The following PINX1 variants were observed in gnomAD, a reference collection of about 807,000 sequenced individuals.
PINX1 encodes PIN2 (TERF1) interacting telomerase inhibitor 1.
A neutral mutation model predicts 25.4 loss-of-function variants in PINX1; 34 were observed. The ratio of observed to expected loss-of-function variants is 1.34; its 90% CI spans 1.02 to 1.78. The LOEUF (loss-of-function observed/expected upper bound fraction) is 1.78, where lower values mean the gene tolerates loss of function less well. PINX1 is among the 40% of genes most tolerant of loss of function. The probability of loss-of-function intolerance (pLI) is 0.00; values close to 1 mark genes in which losing one functional copy is unlikely to be tolerated. For missense variants in PINX1, 592 were observed against 404.9 expected, an observed-to-expected ratio of 1.46 and a Z score of -3.97; for synonymous variants, 197 against 147.7, an observed-to-expected ratio of 1.33 and a Z score of -2.42.
intron 1 of PINX1, among the ~76,000 whole-genome samples, chr8:10,837,449 C>G (rs1182084820): frequency 6.6e-6 from 1 of 152,194 alleles, no homozygotes; most frequent in Non-Finnish European, 1.5e-5. Flanking sequence ...TAAATCTTAG[C>G]AGTGAGTGCG....
At position 10,765,064 on chromosome 8, in the gene PINX1, A is replaced by G; in HGVS notation, c.*337T>C. 1 of 242,424 alleles carries G rather than the reference A, an allele frequency of 4.1e-6. No homozygotes were observed. Among genetic ancestry groups the G allele is most frequent in the Non-Finnish European group, 7.9e-6 (1 of 127,062 alleles). 15.0% of individuals were successfully genotyped at this position (242,424 alleles called of 1,614,324 possible). On this transcript the variant is annotated 3_prime_UTR_variant, in exon 7 of 7. Transcript: ENST00000314787. ...CAAACGGAGATAGTGACACACACAC[A>G]CACACACAGATGCGCACATGCACAC...
At chr8:10,771,297 G>A (rs1024540742) in intron 6 of PINX1, 2 of 152,228 alleles carry the variant, frequency 1.3e-5, no homozygotes, top group East Asian at 1.9e-4. Context: ...GGGGCAGGAT[G>A]AACTGACCCA....
intron 6 of PINX1, among the ~76,000 whole-genome samples, chr8:10,804,183 C>G (rs190898179): frequency 6.6e-6 from 1 of 152,244 alleles, no homozygotes; most frequent in Admixed American, 6.5e-5. Context: ...CAACGCAGAG[C>G]GCAGTGAGAG....
Position 10,765,733 on chromosome 8 carries a change from C to G in PINX1, c.655G>C (p.Ala219Pro). ...RKRGKKRNKEATGKDVESYLQ... is the reference protein window; with the variant it reads ...RKRGKKRNKEPTGKDVESYLQ... ...TAACTTTCCACATCTTTACCTGTGG[C>G]CTCTTTATTTCTTTTCTTCCCCCTT... The change falls in exon 7 of 7, where the codon GCC (alanine) becomes CCC (proline). Residue 219 changes from alanine to proline, a missense_variant. Physicochemically the swap from Ala to Pro is conservative, Grantham distance 27. Coordinates refer to ENST00000314787, the MANE Select transcript of PINX1 (RefSeq NM_017884.6). 6.2e-7 allele frequency: 1 copy of G among 1,613,990 alleles called. No homozygotes were observed. The highest frequency in any genetic ancestry group is 8.5e-7 in the Non-Finnish European group (1 of 1,179,868).
chr8:10,799,785 C>A (rs891527432), intron 6 of PINX1, among the ~76,000 whole-genome samples: 1 of 152,180 alleles, frequency 6.6e-6, no homozygotes, highest in Non-Finnish European at 1.5e-5. Flanking sequence ...GGACAATGTC[C>A]AAGGACTACA....
intron 6 of PINX1, among the ~76,000 whole-genome samples, chr8:10,783,848 G>C (rs1382810917): frequency 6.6e-6 from 1 of 152,206 alleles, no homozygotes; most frequent in East Asian, 1.9e-4. Context: ...CTATAGCCTT[G>C]TGTAAAGACA....
In PINX1 at chr8:10,826,171, G is replaced by A; in HGVS notation, c.375C>T (p.His125=). 1 of 1,573,538 alleles carries A rather than the reference G, an allele frequency of 6.4e-7. No homozygotes were observed. Among genetic ancestry groups the A allele is most frequent in the Non-Finnish European group, 8.7e-7 (1 of 1,146,774 alleles). Residue 125 remains histidine, a synonymous_variant, in exon 5 of 7, where the codon CAC becomes CAT. Coordinates refer to ENST00000314787, the MANE Select transcript of PINX1 (RefSeq NM_017884.6). ...TCTTACCTTTTGTGAATTTCATATA[G>A]TGAACACGGTTTTTGGAGATTTTGG... ...EKSKISKNRV[H]YMKFTKGKDL... is the part of the protein sequence containing the mutation.
chr8:10,795,758 T>C (rs1802065432), intron 6 of PINX1, among the ~76,000 whole-genome samples: 1 of 152,178 alleles, frequency 6.6e-6, no homozygotes. Flanking sequence ...CCTAAATAGG[T>C]AAAGTCAAAA....
intron 1 of PINX1, among the ~76,000 whole-genome samples, chr8:10,836,542 C>G (rs542101167): frequency 2.0e-5 from 3 of 152,342 alleles, no homozygotes; most frequent in African/African-American, 7.2e-5. Context: ...AAGAACTGCA[C>G]ACGCTTCACA....
At chr8:10,807,658 A>C (rs1004070921) in intron 6 of PINX1, among the ~76,000 whole-genome samples, 2 of 152,208 alleles carry the variant, frequency 1.3e-5, no homozygotes, top group Non-Finnish European at 2.9e-5. Flanking sequence ...AACAATGGCT[A>C]TCAGAAGACA....
intron 6 of PINX1, among the ~76,000 whole-genome samples, chr8:10,810,550 T>C (rs990573661): frequency 6.6e-6 from 1 of 152,162 alleles, no homozygotes; most frequent in Non-Finnish European, 1.5e-5. Flanking sequence ...AAGAACCTTA[T>C]TGAGAACCCA....
At chr8:10,813,985 T>C (rs1392339493) in intron 6 of PINX1, among the ~76,000 whole-genome samples, 4 of 151,802 alleles carry the variant, frequency 2.6e-5, no homozygotes, top group Non-Finnish European at 4.4e-5. Context: ...GTCTCCAACT[T>C]CAAATTGCAA....
intron 4 of PINX1, among the ~76,000 whole-genome samples, chr8:10,829,949 G>C (rs1033648513): frequency 2.0e-5 from 3 of 152,168 alleles, no homozygotes; most frequent in Non-Finnish European, 2.9e-5. Context: ...CTCCCAAAGT[G>C]CTGGTATTAC....
At chr8:10,811,282 T>C (rs1182021125) in intron 6 of PINX1, among the ~76,000 whole-genome samples, 3 of 152,234 alleles carry the variant, frequency 2.0e-5, no homozygotes, top group Non-Finnish European at 4.4e-5. Flanking sequence ...CTCAAGTGCC[T>C]ATTCACAACA....
chr8:10,809,327 A>G (rs971132830), intron 6 of PINX1, among the ~76,000 whole-genome samples: 26 of 152,254 alleles, frequency 1.7e-4, no homozygotes, highest in African/African-American at 6.3e-4. Flanking sequence ...TCTTCAAGCG[A>G]AAGAGTAGCC....
At chr8:10,790,999 G>A (rs770214096) in intron 6 of PINX1, among the ~76,000 whole-genome samples, 7 of 152,016 alleles carry the variant, frequency 4.6e-5, no homozygotes, top group Admixed American at 2.0e-4. Flanking sequence ...TGCAGCCTCC[G>A]CTTCCCAAGT....
At chr8:10,788,823 T>G (rs2129075737) in intron 6 of PINX1, among the ~76,000 whole-genome samples, 1 of 152,262 alleles carries the variant, frequency 6.6e-6, no homozygotes, top group Admixed American at 6.5e-5. Context: ...AGCAAAGCGG[T>G]GGGTTTCCCT....
At chr8:10,776,107 G>A (rs947878460) in intron 6 of PINX1, among the ~76,000 whole-genome samples, 3 of 152,216 alleles carry the variant, frequency 2.0e-5, no homozygotes, top group Admixed American at 6.5e-5. Flanking sequence ...TCAGTAAAAG[G>A]AGAAGGCAAA....
chr8:10,785,567 A>C (rs1301541720), intron 6 of PINX1, among the ~76,000 whole-genome samples: 1 of 152,254 alleles, frequency 6.6e-6, no homozygotes, highest in Non-Finnish European at 1.5e-5. Flanking sequence ...ACTAATTACA[A>C]TTAGTTCTTA....
Sources: allele counts gnomAD v4.1 joint callset (sites outside exome capture counted in the v4.1 genomes callset), GRCh38; gene constraint gnomAD v4.1.1; transcripts MANE v1.5; gene names NCBI Gene and HGNC (gene_info 2026-07-23, HGNC 2026-07-21).